The following CCDC148 variants were observed in gnomAD, a reference collection of about 807,000 sequenced individuals.
CCDC148 encodes coiled-coil domain-containing protein 148.
In CCDC148, 89 loss-of-function variants were observed where a neutral mutation model predicts 85.7. The ratio of observed to expected loss-of-function variants is 1.04; its 90% confidence interval spans 0.87 to 1.24. CCDC148 has a LOEUF of 1.24. Among genes scored for constraint, CCDC148 ranks in the 50% most tolerant of loss-of-function variants. The pLI is 0.00. For missense variants in CCDC148, 692 were observed against 671.7 expected (o/e 1.03, Z -0.33); for synonymous variants, 230 against 213.9 (o/e 1.08, Z -0.66).
intron 1 of CCDC148, among the ~76,000 whole-genome samples, chr2:158,367,104 C>T (rs980376892): frequency 6.6e-6 from 1 of 152,100 alleles, no homozygotes; most frequent in African/African-American, 2.4e-5. Flanking sequence ...TAAATGCACT[C>T]AGCAGCCATC....
At chr2:158,215,414 C>T (rs1420720914) in intron 11 of CCDC148, among the ~76,000 whole-genome samples, 1 of 152,170 alleles carries the variant, frequency 6.6e-6, no homozygotes, top group Admixed American at 6.5e-5. Context: ...AGAAGTATGA[C>T]ATCCAGCTTT....
At chr2:158,226,464 C>A (rs111613161) in intron 10 of CCDC148, among the ~76,000 whole-genome samples, 99,702 of 151,854 alleles carry the variant, frequency 0.66, 33,903 homozygotes, top group East Asian at 0.89. Flanking sequence ...ATGAGGCCAG[C>A]ATCATCCTGA....
Position 158,434,646 on chromosome 2 carries a change from C to T in CCDC148, c.25+21769G>A, listed in dbSNP as rs531106708. On this transcript the variant is annotated intron_variant, in intron 1 of 13. Transcript: ENST00000283233. ...TGAATTTGACGAGTTCAGAGAAGAA[C>T]GAATCAGACGATCGGTAATAACAAA... 1.2e-4 allele frequency among the ~76,000 whole-genome samples: 19 copies of T among 152,052 alleles called. 1 individual carries two copies. Among genetic ancestry groups the T allele is most frequent in the African/African-American group, 2.4e-4 (10 of 41,524 alleles).
At chr2:158,236,515 T>C (rs573278913) in intron 10 of CCDC148, among the ~76,000 whole-genome samples, 2 of 152,316 alleles carry the variant, frequency 1.3e-5, no homozygotes, top group South Asian at 2.1e-4. Context: ...AGGGAGTATA[T>C]AGACTAAGGA....
At chr2:158,443,297 C>A (rs1305807328) in intron 1 of CCDC148, among the ~76,000 whole-genome samples, 1 of 151,600 alleles carries the variant, frequency 6.6e-6, no homozygotes, top group Non-Finnish European at 1.5e-5. Context: ...AAGTTTGATA[C>A]CAACCTGGGC....
intron 1 of CCDC148, among the ~76,000 whole-genome samples, chr2:158,412,615 A>G (rs1574775265): frequency 6.6e-6 from 1 of 152,288 alleles, no homozygotes; most frequent in African/African-American, 2.4e-5. Flanking sequence ...GAAAATTGCC[A>G]AAGTTATAAA....
chr2:158,360,438 G>A (rs535174874), intron 1 of CCDC148, among the ~76,000 whole-genome samples: 1 of 152,284 alleles, frequency 6.6e-6, no homozygotes, highest in South Asian at 2.1e-4. Flanking sequence ...CTGGCATCTG[G>A]TGGGTGGCCC....
chr2:158,243,583 C>T (rs1416980787), intron 10 of CCDC148, among the ~76,000 whole-genome samples: 3 of 152,096 alleles, frequency 2.0e-5, no homozygotes, highest in Non-Finnish European at 1.5e-5. Flanking sequence ...TTCCTGGAGG[C>T]CTGCTAGTTT....
chr2:158,300,783 G>A (rs1287264767), intron 9 of CCDC148, among the ~76,000 whole-genome samples: 1 of 152,196 alleles, frequency 6.6e-6, no homozygotes, highest in Non-Finnish European at 1.5e-5. Context: ...AACCTGGACA[G>A]CCATGCCAGA....
rs200105396 is a variant in CCDC148 at position 158,331,223 on chromosome 2, T to TG, written c.764+7502_764+7503insC. ...GGTAGGTTGTCTTTGTTCTCATTGG[T>TG]TTCAAAGAACACCTTTATGTCTGCC... On this transcript the variant is annotated intron_variant, in intron 7 of 13. Coordinates refer to ENST00000283233, the MANE Select transcript of CCDC148 (RefSeq NM_138803.4). 5.5e-3 allele frequency among the ~76,000 whole-genome samples: 837 copies of TG among 152,352 alleles called. 3 individuals are homozygous for TG. The highest frequency in any genetic ancestry group is 0.015 in the African/African-American group (613 of 41,592).
At chr2:158,388,145 A>G (rs1300097700) in intron 1 of CCDC148, among the ~76,000 whole-genome samples, 1 of 152,218 alleles carries the variant, frequency 6.6e-6, no homozygotes, top group African/African-American at 2.4e-5. Flanking sequence ...ACAGTTTTCT[A>G]TTGGTAACTC....
In CCDC148 at chr2:158,358,545, AT is replaced by A; in HGVS notation, c.50del (p.Asn17MetfsTer3). 5 of 1,587,274 alleles carry A rather than the reference AT, an allele frequency of 3.2e-6. No homozygotes were observed. Among genetic ancestry groups the A allele is most frequent in the Non-Finnish European group, 3.4e-6 (4 of 1,166,772 alleles). On this transcript the variant is annotated frameshift_variant, in exon 2 of 14. Transcript: ENST00000283233. LOFTEE classifies it high-confidence loss of function. ...GTTTGTACTTGATGTTTCTCATCTC[AT>A]TTTTCATATGGAATACCAGATTATC... ...SPDNLVFHMKNEMRNIKYKPV... is the reference protein window; with the variant it reads ...SPDNLVFHMKXEMRNIKYKPV...
chr2:158,345,325 T>C lies in CCDC148; in HGVS notation c.148-7A>G. 6.3e-7 allele frequency: 1 copy of C among 1,599,900 alleles called. No individual in the cohort carries two copies. Among genetic ancestry groups the C allele is most frequent in the Non-Finnish European group, 8.5e-7 (1 of 1,169,858 alleles). ...TCAACATTGCTTTTCTGATCTAGAT[T>C]TAGAGGAACAAAAGAGGAGCAACTT... is the stretch of plus-strand genomic sequence containing the variant. On this transcript the variant is annotated splice_polypyrimidine_tract_variant and splice_region_variant and intron_variant, in intron 2 of 13. Transcript: ENST00000283233.
intron 1 of CCDC148, among the ~76,000 whole-genome samples, chr2:158,399,201 G>A (rs1192720107): frequency 3.3e-5 from 5 of 152,252 alleles, no homozygotes; most frequent in Non-Finnish European, 7.4e-5. Flanking sequence ...GCGGTACAAG[G>A]AGAGCTGGTA....
intron 1 of CCDC148, among the ~76,000 whole-genome samples, chr2:158,443,013 TAGA>T (rs1202566319): frequency 2.0e-5 from 3 of 152,092 alleles, no homozygotes; most frequent in Admixed American, 6.6e-5. Context: ...TCAACAGGCA[TAGA>T]AGAAGATCAG....
At chr2:158,276,646 T>TCA (rs905595868) in intron 9 of CCDC148, among the ~76,000 whole-genome samples, 6 of 152,160 alleles carry the variant, frequency 3.9e-5, no homozygotes, top group African/African-American at 1.4e-4. Context: ...CATGAAGTTA[T>TCA]CACATTAAGT....
chr2:158,184,581 AG>A (rs1405466452), intron 11 of CCDC148, among the ~76,000 whole-genome samples: 4 of 152,266 alleles, frequency 2.6e-5, no homozygotes, highest in Non-Finnish European at 5.9e-5. Flanking sequence ...CAAATTACAG[AG>A]CCCCTTTTCA....
intron 9 of CCDC148, among the ~76,000 whole-genome samples, chr2:158,271,670 G>A (rs886124747): frequency 6.6e-6 from 1 of 152,144 alleles, no homozygotes; most frequent in African/African-American, 2.4e-5. Flanking sequence ...AGCTCTTACT[G>A]TGCCTGATTT....
intron 1 of CCDC148, among the ~76,000 whole-genome samples, chr2:158,416,274 G>A (rs1282347757): frequency 6.6e-6 from 1 of 152,164 alleles, no homozygotes; most frequent in Non-Finnish European, 1.5e-5. Flanking sequence ...GGGAGGGGCT[G>A]CCACGAGGTC....
Sources: allele counts gnomAD v4.1 joint callset (sites outside exome capture counted in the v4.1 genomes callset), GRCh38; gene constraint gnomAD v4.1.1; transcripts MANE v1.5; gene names NCBI Gene and HGNC (gene_info 2026-07-23, HGNC 2026-07-21).